The following PYHIN1 variants were observed in gnomAD, a reference collection of about 807,000 sequenced individuals.
The protein encoded by PYHIN1 is pyrin and HIN domain family member 1.
A neutral mutation model predicts 43.7 loss-of-function variants in PYHIN1; 32 were observed. The ratio of observed to expected loss-of-function variants is 0.73; its 90% CI spans 0.55 to 0.98. The LOEUF (loss-of-function observed/expected upper bound fraction) is 0.98. Ranked by LOEUF, PYHIN1 falls within the 50% of genes least tolerant of loss-of-function variation. The probability of loss-of-function intolerance (pLI) is 0.00; values close to 1 mark genes in which losing one functional copy is unlikely to be tolerated. For synonymous variants in PYHIN1, 205 were observed against 203.1 expected (o/e 1.01, Z -0.08); for missense variants, 588 against 589.5 (o/e 1.00, Z 0.03).
chr1:158,945,929 C>G (rs1032160184), intron 7 of PYHIN1, among the ~76,000 whole-genome samples: 1 of 151,954 alleles, frequency 6.6e-6, no homozygotes, highest in Non-Finnish European at 1.5e-5. Context: ...TAGACACACT[C>G]AAACATAAAA....
At chr1:158,970,096 G>A (rs567273944) in intron 7 of PYHIN1, among the ~76,000 whole-genome samples, 1 of 152,060 alleles carries the variant, frequency 6.6e-6, no homozygotes, top group South Asian at 2.1e-4. Flanking sequence ...ACAGAAGCAT[G>A]ACCATCTGTC....
downstream of PYHIN1, among the ~76,000 whole-genome samples, chr1:158,979,545 C>T (rs773303176): frequency 6.6e-6 from 1 of 152,118 alleles, no homozygotes; most frequent in African/African-American, 2.4e-5. Context: ...TATATATACA[C>T]ACCACATTTT....
At chr1:158,987,789 G>T in the PYHIN1 span, among the ~76,000 whole-genome samples, 2 of 152,052 alleles carry the variant, frequency 1.3e-5, no homozygotes, top group Admixed American at 6.6e-5. Context: ...TCTTGAAAAT[G>T]ACTAGTCTTT....
At chr1:158,959,115 A>C (rs1378407490) in intron 7 of PYHIN1, among the ~76,000 whole-genome samples, 1 of 150,366 alleles carries the variant, frequency 6.7e-6, no homozygotes. Context: ...GGTCCGTTGC[A>C]CTCCCTTTGC....
At position 158,939,158 on chromosome 1, in the gene PYHIN1, T is replaced by C. The variant is rs759211823; in HGVS notation, c.490T>C (p.Ser164Pro). Residue 164 changes from serine (S) to proline (P), a missense_variant, in exon 4 of 9, where the codon TCT becomes CCT. Transcript: ENST00000368140. ...MSKEQTRPSCSAGASTSTAMG... is the reference protein window; with the variant it reads ...MSKEQTRPSCPAGASTSTAMG... ...CAAAGAGCAGACTCGGCCTTCCTGCTCTGCAGGAGCCAGCACGTCCACAGC... is the reference window on the plus strand; with the variant it reads ...CAAAGAGCAGACTCGGCCTTCCTGCCCTGCAGGAGCCAGCACGTCCACAGC... 2 of 1,613,894 alleles carry C rather than the reference T, an allele frequency of 1.2e-6. No homozygotes were observed. The highest frequency in any genetic ancestry group is 1.1e-5 in the South Asian group (1 of 91,030).
chr1:158,989,816 T>C, the PYHIN1 span, among the ~76,000 whole-genome samples: 214 of 152,300 alleles, frequency 1.4e-3, 1 homozygote, highest in East Asian at 0.025. Flanking sequence ...TAATACATTC[T>C]TAAAGGACCA....
chr1:158,943,723 A>G (rs1414362506), intron 5 of PYHIN1, 67 bp from the exon 6 acceptor site: 4 of 1,224,314 alleles, frequency 3.3e-6, no homozygotes, highest in Non-Finnish European at 4.6e-6. Context: ...ATCTGTCACA[A>G]GAGACTTTCC....
chr1:158,965,656 T>C (rs1571774393), intron 7 of PYHIN1, among the ~76,000 whole-genome samples: 1 of 152,026 alleles, frequency 6.6e-6, no homozygotes, highest in East Asian at 1.9e-4. Flanking sequence ...GGGTGAATAA[T>C]AAAGGCAGAA....
intron 7 of PYHIN1, among the ~76,000 whole-genome samples, chr1:158,956,953 A>G (rs1411403914): frequency 1.5e-5 from 2 of 131,216 alleles, no homozygotes; most frequent in Non-Finnish European, 3.2e-5. Flanking sequence ...ATTCTTATAC[A>G]CCAACAACAG....
intron 4 of PYHIN1, among the ~76,000 whole-genome samples, chr1:158,940,679 A>G (rs1163395407): frequency 6.6e-6 from 1 of 152,220 alleles, no homozygotes; most frequent in Non-Finnish European, 1.5e-5. Flanking sequence ...CACACCACCA[A>G]CCTTAATTTG....
At chr1:158,984,028 G>GTTTTTTT in the PYHIN1 span, among the ~76,000 whole-genome samples, 90 of 111,164 alleles carry the variant, frequency 8.1e-4, no homozygotes, top group African/African-American at 1.4e-3. Context: ...ATCTTCTCCT[G>GTTTTTTT]TTTTTTTTTT....
the PYHIN1 span, among the ~76,000 whole-genome samples, chr1:158,982,061 G>A: frequency 6.6e-6 from 1 of 152,114 alleles, no homozygotes; most frequent in South Asian, 2.1e-4. Context: ...ATCATAGTTT[G>A]CAAATACTTT....
chr1:158,943,717 G>C, intron 5 of PYHIN1, 73 bp from the exon 6 acceptor site: 1 of 1,136,364 alleles, frequency 8.8e-7, no homozygotes, highest in South Asian at 1.6e-5. Context: ...TTTTTAATCT[G>C]TCACAAGAGA....
rs1472482302 is a variant in PYHIN1, at chr1:158,955,359, T to A, written c.1359+10317T>A. Among the ~76,000 whole-genome samples the A allele has an allele frequency of 4.2e-3, 624 of 148,526 alleles. 9 individuals are homozygous for A. Among genetic ancestry groups the A allele is most frequent in the Middle Eastern group, 7.0e-3 (2 of 286 alleles). Reference sequence around the variant, plus strand: ...TTGACCACATACTTGGAAGTAAAGCTCTCCTCAGCAAATGTAAAAGAACAG... The same window carrying A: ...TTGACCACATACTTGGAAGTAAAGCACTCCTCAGCAAATGTAAAAGAACAG... On this transcript the variant is annotated intron_variant, in intron 7 of 8. Coordinates refer to ENST00000368140, the MANE Select transcript of PYHIN1 (RefSeq NM_152501.5).
chr1:158,971,521 C>T (rs1650932669), intron 7 of PYHIN1, among the ~76,000 whole-genome samples: 1 of 151,776 alleles, frequency 6.6e-6, no homozygotes, highest in Non-Finnish European at 1.5e-5. Flanking sequence ...ATTTTGGATA[C>T]CTGATGCAAA....
rs957170304 is a variant in PYHIN1, at chr1:158,943,708, T to G, written c.1003-82T>G. The stretch of plus-strand genomic sequence containing the variant: ...TAGGAGTTGCTGTCTTGCATCTTGT[T>G]TTTAATCTGTCACAAGAGACTTTCC... On this transcript the variant is annotated intron_variant, in intron 5 of 8. Coordinates refer to ENST00000368140, the MANE Select transcript of PYHIN1 (RefSeq NM_152501.5). The G allele has an allele frequency of 2.2e-5, 23 of 1,032,216 alleles. No individual in the cohort carries two copies. The Middle Eastern group carries it at 1.5e-3, about 67-fold the overall frequency. 63.9% of individuals were successfully genotyped at this position (1,032,216 alleles called of 1,614,324 possible).
chr1:158,960,925 A>G (rs1557839146), intron 7 of PYHIN1, among the ~76,000 whole-genome samples: 2 of 152,230 alleles, frequency 1.3e-5, no homozygotes, highest in South Asian at 2.1e-4. Flanking sequence ...TAAGTGGTAG[A>G]TATGAATAAA....
chr1:158,932,589 A>G (rs1194322600), intron 1 of PYHIN1, among the ~76,000 whole-genome samples: 1 of 152,250 alleles, frequency 6.6e-6, no homozygotes, highest in Non-Finnish European at 1.5e-5. Context: ...TTCTCACACA[A>G]AAACATATGT....
Position 158,976,905 on chromosome 1 carries a change from T to TGG in PYHIN1, c.*210_*211insGG. ...ATATATATATATATATATATATATA[T>TGG]ATATATATATACCAGCTATTAATTC... On this transcript the variant is annotated 3_prime_UTR_variant, in exon 9 of 9. Transcript: ENST00000368140. 3 of 121,144 alleles carry TGG rather than the reference T, an allele frequency of 2.5e-5. No individual in the cohort carries two copies. The highest frequency in any genetic ancestry group is 2.2e-4 in the East Asian group (1 of 4,574). 7.5% of individuals were successfully genotyped at this position (121,144 alleles called of 1,614,324 possible). A position where few individuals can be genotyped will look rare whatever the true frequency, so the allele number is the denominator to read the frequency against.
Sources: gnomAD v4.1 joint callset for allele counts (sites outside exome capture counted in the v4.1 genomes callset) on GRCh38, gnomAD v4.1.1 for gene constraint, MANE v1.5 for transcripts, NCBI Gene and HGNC (gene_info 2026-07-23, HGNC 2026-07-21) for gene names.